The following AP1B1 variants were observed in gnomAD, a reference collection of about 807,000 sequenced individuals.
AP1B1 encodes the protein AP-1 complex subunit beta-1.
A neutral mutation model predicts 104.3 loss-of-function variants in AP1B1; 36 were observed. That is an observed-to-expected ratio of 0.35 (90% CI 0.26 to 0.46). AP1B1 has a LOEUF of 0.46. Among genes scored for constraint, AP1B1 ranks in the 20% least tolerant of loss-of-function variants. The pLI, the probability that AP1B1 is intolerant of heterozygous loss-of-function variation, is 1.00. For missense variants in AP1B1, 901 were observed against 1,247.9 expected, an observed-to-expected ratio of 0.72 and a Z score of 4.19; for synonymous variants, 504 against 517.5, an observed-to-expected ratio of 0.97 and a Z score of 0.35.
At position 29,340,860 on chromosome 22, in the gene AP1B1, GC is replaced by G; in HGVS notation, c.1797-4del. The G allele has an allele frequency of 6.3e-7, 1 of 1,588,506 alleles. No individual in the cohort carries two copies. The highest frequency in any genetic ancestry group is 8.5e-7 in the Non-Finnish European group (1 of 1,169,636). On this transcript the variant is annotated splice_region_variant and splice_polypyrimidine_tract_variant and intron_variant, in intron 13 of 22. Transcript: ENST00000357586. ...CAGGGCTCTCTGCGCTCTCACTCCT[GC>G]CGGGACACAGAAGTAGGGTGGAGGC...
chr22:29,353,973 A>G (rs1210043724), intron 7 of AP1B1, among the ~76,000 whole-genome samples: 2 of 151,932 alleles, frequency 1.3e-5, no homozygotes, highest in Admixed American at 1.3e-4. Context: ...CATGCCATGA[A>G]CCCCTCCGAT....
chr22:29,337,257 A>G (rs890202957), intron 16 of AP1B1, among the ~76,000 whole-genome samples: 1 of 152,194 alleles, frequency 6.6e-6, no homozygotes, highest in Non-Finnish European at 1.5e-5. Context: ...AGGATTTCTC[A>G]ACCACGAAAT....
At chr22:29,362,575 G>GAC in intron 3 of AP1B1, among the ~76,000 whole-genome samples, 2 of 152,088 alleles carry the variant, frequency 1.3e-5, no homozygotes, top group African/African-American at 4.8e-5. Context: ...TCGAACTCCT[G>GAC]ACCTCGAGAT....
At chr22:29,350,574 AAGG>A (rs545720442) in intron 9 of AP1B1, among the ~76,000 whole-genome samples, 42 of 152,292 alleles carry the variant, frequency 2.8e-4, no homozygotes, top group African/African-American at 9.6e-4. Context: ...GCCTGCTCTG[AAGG>A]AGATTTCTCA....
chr22:29,361,980 G>A (rs1019160329), intron 3 of AP1B1, among the ~76,000 whole-genome samples: 4 of 152,256 alleles, frequency 2.6e-5, no homozygotes, highest in African/African-American at 9.6e-5. Context: ...TTTTAGTAGA[G>A]ACGGGGTTTC....
chr22:29,341,878 T>C (rs947796059), intron 12 of AP1B1, 118 bp from the exon 13 acceptor site: 5 of 1,227,390 alleles, frequency 4.1e-6, no homozygotes, highest in African/African-American at 3.0e-5. Context: ...ACAGCAGTCC[T>C]GAGTGCTCCC....
chr22:29,350,973 T>C (rs774775701), intron 9 of AP1B1, among the ~76,000 whole-genome samples, 198 bp downstream of exon 9: 1 of 152,182 alleles, frequency 6.6e-6, no homozygotes, highest in Non-Finnish European at 1.5e-5. Flanking sequence ...CGGCAGCAAC[T>C]CGAAGGCCTA....
At chr22:29,331,428 G>T in intron 19 of AP1B1, 21 bp downstream of exon 19, 1 of 1,612,062 alleles carries the variant, frequency 6.2e-7, no homozygotes, top group Non-Finnish European at 8.5e-7. Context: ...AGGCACCCCA[G>T]CGGGCTCCCT....
chr22:29,352,426 A>G (rs187644071), intron 7 of AP1B1, among the ~76,000 whole-genome samples: 1 of 152,346 alleles, frequency 6.6e-6, no homozygotes, highest in Non-Finnish European at 1.5e-5. Context: ...CGAAGTCTCA[A>G]ATAGGCTTTC....
Position 29,330,350 on chromosome 22 carries a change from G to A in AP1B1, c.2766+28C>T, listed in dbSNP as rs202056677. The A allele has an allele frequency of 9.0e-5, 145 of 1,611,452 alleles. No homozygotes were observed. The African/African-American group carries it at 1.8e-3, about 20-fold the overall frequency. ...CATGGGACGAAGGGGAGGCTCCAAGGCTGCAGGGCGGGTGCCGGGGCTCTC... is the reference window on the plus strand; with the variant it reads ...CATGGGACGAAGGGGAGGCTCCAAGACTGCAGGGCGGGTGCCGGGGCTCTC... On this transcript the variant is annotated intron_variant, in intron 21 of 22. Transcript: ENST00000357586.
At chr22:29,345,047 T>C (rs965568212) in intron 11 of AP1B1, among the ~76,000 whole-genome samples, 3 of 152,068 alleles carry the variant, frequency 2.0e-5, no homozygotes, top group African/African-American at 7.2e-5. Context: ...CTCCAAATCG[T>C]CAAGCACTAA....
chr22:29,330,336 G>C (rs765388115), intron 21 of AP1B1, 42 bp downstream of exon 21: 1 of 1,608,920 alleles, frequency 6.2e-7, no homozygotes, highest in Admixed American at 1.7e-5. Flanking sequence ...ATGGGACGAA[G>C]GGGAGGCTCC....
intron 16 of AP1B1, among the ~76,000 whole-genome samples, chr22:29,336,577 G>A (rs2061640931): frequency 6.6e-6 from 1 of 152,144 alleles, no homozygotes; most frequent in Admixed American, 6.5e-5. Flanking sequence ...CGAGGCAGGT[G>A]GATCATCTGA....
At chr22:29,370,237 G>A (rs1361023852) in intron 1 of AP1B1, among the ~76,000 whole-genome samples, 3 of 152,010 alleles carry the variant, frequency 2.0e-5, no homozygotes, top group African/African-American at 4.8e-5. Flanking sequence ...CAGATTGCCT[G>A]AGCTCAGGAG....
In AP1B1 at chr22:29,328,693, G is replaced by C; in HGVS notation, c.*128C>G. The C allele has an allele frequency of 8.2e-7, 1 of 1,225,674 alleles. No homozygotes were observed. Among genetic ancestry groups the C allele is most frequent in the Non-Finnish European group, 1.1e-6 (1 of 887,478 alleles). The allele number at this position is 1,225,674 out of a possible 1,614,324, so 75.9% of individuals were successfully genotyped here. On this transcript the variant is annotated 3_prime_UTR_variant, in exon 23 of 23. Coordinates refer to ENST00000357586, the MANE Select transcript of AP1B1 (RefSeq NM_001127.4). This position sits in a 1 kb window ranked among gnomAD's most constrained non-coding sequence, Gnocchi z 4.1. ...AGGGATCGGGTGGGTTCTGCCATCAGGACCAGGGAGCCCACTGAGTGGCCT... is the reference window on the plus strand; with the variant it reads ...AGGGATCGGGTGGGTTCTGCCATCACGACCAGGGAGCCCACTGAGTGGCCT...
chr22:29,329,985 G>A (rs2061532873), intron 21 of AP1B1: 1 of 1,415,696 alleles, frequency 7.1e-7, no homozygotes, highest in African/African-American at 1.4e-5. Flanking sequence ...TCTCTAACAG[G>A]TCTACCTCAA....
chr22:29,359,999 C>A (rs1282289674), intron 3 of AP1B1, 40 bp from the exon 4 acceptor site: 1 of 1,592,964 alleles, frequency 6.3e-7, no homozygotes, highest in Non-Finnish European at 8.6e-7. Flanking sequence ...AAAGGCTGAA[C>A]AAAGGAAGAG....
Position 29,349,884 on chromosome 22 carries a change from G to A in AP1B1, c.1271+151C>T. Reference sequence around the variant, plus strand: ...GCCTGGGGAGTAGAGGAGGGGCAGTGTGGACGAAATAAAAAACAAAGGGTT... The same window carrying A: ...GCCTGGGGAGTAGAGGAGGGGCAGTATGGACGAAATAAAAAACAAAGGGTT... On this transcript the variant is annotated intron_variant, in intron 10 of 22. Transcript: ENST00000357586. 3.0e-6 allele frequency: 2 copies of A among 665,204 alleles called. 1 individual carries two copies. Among genetic ancestry groups the A allele is most frequent in the East Asian group, 5.5e-5 (2 of 36,532 alleles). 41.2% of individuals were successfully genotyped at this position (665,204 alleles called of 1,614,324 possible). A position where few individuals can be genotyped will look rare whatever the true frequency, so the allele number is the denominator to read the frequency against.
intron 17 of AP1B1, chr22:29,333,105 G>A (rs141825907): frequency 6.5e-6 from 1 of 154,374 alleles, no homozygotes; most frequent in Admixed American, 6.5e-5. Flanking sequence ...AAGTGGTAGA[G>A]CCACCCCTAG....
Sources: gnomAD v4.1 joint callset for allele counts (sites outside exome capture counted in the v4.1 genomes callset) on GRCh38, gnomAD v4.1.1 for gene constraint, Gnocchi (gnomAD v3.1) non-coding constraint, MANE v1.5 for transcripts, NCBI Gene and HGNC (gene_info 2026-07-23, HGNC 2026-07-21) for gene names.